Variants in RNFT2 observed in about 807,000 individuals in gnomAD.
RNFT2 encodes ring finger protein, transmembrane 2, also known as E3 ubiquitin-protein ligase RNFT2.
RNFT2 carries 36 observed loss-of-function variants against 53.0 expected under a neutral mutation model. The ratio of observed to expected loss-of-function variants is 0.68; its 90% CI spans 0.52 to 0.90. RNFT2 has a LOEUF of 0.90. Among genes scored for constraint, RNFT2 ranks in the 40% least tolerant of loss-of-function variants. The pLI is 0.00. For synonymous variants in RNFT2, 260 were observed against 253.2 expected, an observed-to-expected ratio of 1.03 and a Z score of -0.26; for missense variants, 514 against 585.6, an observed-to-expected ratio of 0.88 and a Z score of 1.26.
intron 6 of RNFT2, 110 bp downstream of exon 6, chr12:116,767,024 A>C (rs1872946343): frequency 2.8e-6 from 2 of 704,442 alleles, no homozygotes; most frequent in Middle Eastern, 7.9e-4. Flanking sequence ...TCATGTTGTA[A>C]CTTCCAAATT....
intron 6 of RNFT2, among the ~76,000 whole-genome samples, chr12:116,775,614 A>G (rs1393903649): frequency 1.3e-5 from 2 of 152,214 alleles, no homozygotes; most frequent in East Asian, 3.8e-4. Context: ...CAAAATTGGA[A>G]CCAAGTCCAC....
At chr12:116,785,283 G>A (rs1258108799) in intron 7 of RNFT2, among the ~76,000 whole-genome samples, 1 of 144,564 alleles carries the variant, frequency 6.9e-6, no homozygotes, top group East Asian at 2.0e-4. Context: ...GTGGCGGGGG[G>A]GGGTTGTTTG....
In RNFT2 at chr12:116,806,264, G is replaced by A. The variant is rs1218479786; in HGVS notation, c.882+26916G>A. On this transcript the variant is annotated intron_variant, in intron 7 of 10. Transcript: ENST00000257575. ...GCATGCCTGTAATCCTAGCTACTTG[G>A]AAGGCTGAGGCATGAGAATAGCTTG... Among the ~76,000 whole-genome samples, 3 of 151,948 alleles carry A rather than the reference G, an allele frequency of 2.0e-5. No homozygotes were observed. The East Asian group carries it at 5.8e-4, about 29-fold the overall frequency.
intron 10 of RNFT2, among the ~76,000 whole-genome samples, chr12:116,843,012 CCCT>C (rs1270732794): frequency 6.6e-6 from 1 of 152,114 alleles, no homozygotes; most frequent in Non-Finnish European, 1.5e-5. Context: ...CCAGAAATGC[CCCT>C]CTCCCACTCA....
chr12:116,791,625 G>A (rs574196623), intron 7 of RNFT2, among the ~76,000 whole-genome samples: 1 of 152,228 alleles, frequency 6.6e-6, no homozygotes, highest in South Asian at 2.1e-4. Flanking sequence ...TCCTTCTTAT[G>A]GCTAAATAAT....
chr12:116,842,691 A>G (rs918855329), intron 10 of RNFT2, among the ~76,000 whole-genome samples: 1 of 152,116 alleles, frequency 6.6e-6, no homozygotes, highest in Non-Finnish European at 1.5e-5. Flanking sequence ...CTCCTGCCTC[A>G]GCCTCCCGAA....
At chr12:116,822,731 G>A (rs145665160) in intron 7 of RNFT2, among the ~76,000 whole-genome samples, 2,913 of 152,336 alleles carry the variant, frequency 0.019, 51 homozygotes, top group Middle Eastern at 0.034. Context: ...GCTGGGTGCA[G>A]TGGCTCACAC....
chr12:116,776,713 C>A (rs1457282431), intron 6 of RNFT2, among the ~76,000 whole-genome samples: 3 of 152,172 alleles, frequency 2.0e-5, no homozygotes, highest in Non-Finnish European at 4.4e-5. Flanking sequence ...CCATTCTATG[C>A]TGAGTGTACT....
At chr12:116,768,834 G>A (rs1873040465) in intron 6 of RNFT2, among the ~76,000 whole-genome samples, 1 of 151,064 alleles carries the variant, frequency 6.6e-6, no homozygotes, top group African/African-American at 2.4e-5. Flanking sequence ...AGGTTCAAGT[G>A]ATTCTCCTGC....
Position 116,740,488 on chromosome 12 carries a change from T to G in RNFT2, c.-10T>G, listed in dbSNP as rs1168385070. The G allele has an allele frequency of 6.4e-7, 1 of 1,572,686 alleles. No individual in the cohort carries two copies. Among genetic ancestry groups the G allele is most frequent in the Admixed American group, 1.9e-5 (1 of 53,640 alleles). On this transcript the variant is annotated 5_prime_UTR_variant, in exon 2 of 11. Coordinates refer to ENST00000257575, the MANE Select transcript of RNFT2 (RefSeq NM_001382266.1). ...ACCTCCAGTGTCGTCAACATGGAGT[T>G]CTGAAGTCCATGTGGCTCTTCACAG...
At position 116,750,102 on chromosome 12, in the gene RNFT2, T is replaced by C. The variant is rs111256849; in HGVS notation, c.345T>C (p.His115=). Residue 115 remains histidine (H), a synonymous_variant, in exon 4 of 11, where the codon CAT becomes CAC. Transcript: ENST00000257575. ...ACCACCACCGCCAGCCCCACCACCA[T>C]TTCCACCATGGCGGCCACCGCGGGG... The part of the protein sequence containing the change: ...GAYHHRQPHH[H]FHHGGHRGGS... 252,465 of 1,556,058 alleles carry C rather than the reference T, an allele frequency of 0.16. 24,501 individuals carry two copies. Among genetic ancestry groups the C allele is most frequent in the African/African-American group, 0.45 (33,375 of 73,800 alleles).
chr12:116,791,704 T>TTA (rs1394444296), intron 7 of RNFT2, among the ~76,000 whole-genome samples: 2 of 152,390 alleles, frequency 1.3e-5, no homozygotes, highest in East Asian at 3.9e-4. Flanking sequence ...AGGCTGTTTT[T>TTA]GCTTTTTGGC....
Position 116,779,241 on chromosome 12 carries a change from C to T in RNFT2, c.775C>T (p.Leu259=). ...CCTGGAGATGCTGGACTTCTTTGAC[C>T]TGCTATGGATTGTGGGGATCGCAGA... ...PNLEMLDFFD[L]LWIVGIADFV... is the part of the protein sequence containing the mutation. The change falls in exon 7 of 11, where the codon CTG becomes TTG. Residue 259 remains leucine, a synonymous_variant. Coordinates refer to ENST00000257575, the MANE Select transcript of RNFT2 (RefSeq NM_001382266.1). 1.9e-6 allele frequency: 3 copies of T among 1,613,902 alleles called. No individual in the cohort carries two copies. Among genetic ancestry groups the T allele is most frequent in the East Asian group, 4.5e-5 (2 of 44,896 alleles).
intron 7 of RNFT2, among the ~76,000 whole-genome samples, chr12:116,793,678 GGA>G (rs1393013139): frequency 3.9e-5 from 6 of 152,038 alleles, no homozygotes; most frequent in Non-Finnish European, 8.8e-5. Flanking sequence ...CCCTCTGCTG[GGA>G]GCAGTTTTTT....
intron 7 of RNFT2, among the ~76,000 whole-genome samples, chr12:116,804,005 G>T (rs1874929834): frequency 1.3e-5 from 2 of 152,196 alleles, no homozygotes; most frequent in Admixed American, 1.3e-4. Context: ...GATTAAGTGG[G>T]ACTTGGGGAA....
chr12:116,814,433 G>A (rs188920321), intron 7 of RNFT2, among the ~76,000 whole-genome samples: 1 of 152,238 alleles, frequency 6.6e-6, no homozygotes, highest in East Asian at 1.9e-4. Flanking sequence ...GTAGGGAGAA[G>A]GTAACATTCA....
At chr12:116,819,360 G>A (rs1875866101) in intron 7 of RNFT2, among the ~76,000 whole-genome samples, 1 of 152,156 alleles carries the variant, frequency 6.6e-6, no homozygotes, top group South Asian at 2.1e-4. Context: ...CGGGACGCCC[G>A]GAGGCCAGAC....
chr12:116,787,600 C>T (rs1046106214), intron 7 of RNFT2, among the ~76,000 whole-genome samples: 25 of 151,862 alleles, frequency 1.6e-4, no homozygotes, highest in African/African-American at 6.1e-4. Context: ...CCTGTAGTCC[C>T]AGCCAATTGA....
At position 116,750,067 on chromosome 12, in the gene RNFT2, G is replaced by A. The variant is rs1468778344; in HGVS notation, c.310G>A (p.Gly104Arg). Reference protein sequence around the residue: ...SREEGGGRGEGGAYHHRQPHH... With the variant: ...SREEGGGRGERGAYHHRQPHH... ...GGAGGAAGGAGGGGGCCGGGGCGAG[G>A]GGGGCGCCTACCACCACCGCCAGCC... The change falls in exon 4 of 11, where the codon GGG (glycine) becomes AGG (arginine). Residue 104 changes from glycine (G) to arginine (R), a missense_variant. Transcript: ENST00000257575. The A allele has an allele frequency of 1.3e-6, 2 of 1,546,966 alleles. No individual in the cohort carries two copies. The highest frequency in any genetic ancestry group is 1.7e-6 in the Non-Finnish European group (2 of 1,149,270).
Sources: allele counts gnomAD v4.1 joint callset (sites outside exome capture counted in the v4.1 genomes callset), GRCh38; gene constraint gnomAD v4.1.1; transcripts MANE v1.5; gene names NCBI Gene and HGNC (gene_info 2026-07-23, HGNC 2026-07-21).